EFL1: variants seen among roughly 807,000 people sequenced by gnomAD.
The protein encoded by EFL1 is elongation factor-like GTPase 1.
In EFL1, 76 loss-of-function variants were observed where a neutral mutation model predicts 126.7. That is an observed-to-expected ratio of 0.60 (90% CI 0.50 to 0.73). EFL1 has a LOEUF of 0.73. Among genes scored for constraint, EFL1 ranks in the 30% least tolerant of loss-of-function variants. The pLI, the probability that EFL1 is intolerant of heterozygous loss-of-function variation, is 0.00. For synonymous variants in EFL1, 410 were observed against 448.4 expected, an observed-to-expected ratio of 0.91 and a Z score of 1.08; for missense variants, 1,128 against 1,343.2, an observed-to-expected ratio of 0.84 and a Z score of 2.50.
chr15:82,173,144 GGA>G (rs147939016), intron 15 of EFL1, among the ~76,000 whole-genome samples: 2,674 of 151,924 alleles, frequency 0.018, 31 homozygotes, highest in Non-Finnish European at 0.028. Context: ...TCCACCAACA[GGA>G]GATTGAAAAA....
chr15:82,141,578 G>C (rs1222547976), intron 18 of EFL1, among the ~76,000 whole-genome samples: 1 of 150,746 alleles, frequency 6.6e-6, no homozygotes, highest in Non-Finnish European at 1.5e-5. Context: ...TGAGGCAGGA[G>C]AATCGCTTGG....
At position 82,149,302 on chromosome 15, in the gene EFL1, G is replaced by A. The variant is rs1050050128; in HGVS notation, c.2989+2163C>T. On this transcript the variant is annotated intron_variant, in intron 18 of 19. Coordinates refer to ENST00000268206, the MANE Select transcript of EFL1 (RefSeq NM_024580.6). ...CAGTACTCATACACAAATAAATATA[G>A]GAGTTCATACAACTACATGATTTCT... Among the ~76,000 whole-genome samples, 3 of 151,976 alleles carry A rather than the reference G, an allele frequency of 2.0e-5. No homozygotes were observed. The South Asian group carries it at 6.2e-4, about 31-fold the overall frequency.
At chr15:82,199,887 G>A (rs1353928393) in intron 15 of EFL1, among the ~76,000 whole-genome samples, 1 of 152,100 alleles carries the variant, frequency 6.6e-6, no homozygotes, top group Non-Finnish European at 1.5e-5. Context: ...AGTTTATATA[G>A]AATAAATGTT....
chr15:82,179,809 T>C (rs1320869122), intron 15 of EFL1, among the ~76,000 whole-genome samples: 3 of 107,770 alleles, frequency 2.8e-5, no homozygotes, highest in Non-Finnish European at 5.1e-5. Context: ...TGGCTGGGTA[T>C]GCACAGAAAC....
At chr15:82,146,857 T>C (rs2073851897) in intron 18 of EFL1, among the ~76,000 whole-genome samples, 2 of 152,124 alleles carry the variant, frequency 1.3e-5, no homozygotes, top group Admixed American at 1.3e-4. Flanking sequence ...AATGATCCTT[T>C]GCTCCAGAGA....
chr15:82,188,030 G>A (rs1442411560), intron 15 of EFL1, among the ~76,000 whole-genome samples: 1 of 152,008 alleles, frequency 6.6e-6, no homozygotes, highest in Non-Finnish European at 1.5e-5. Flanking sequence ...TATAATTTTA[G>A]TTCCAATTGA....
At position 82,228,206 on chromosome 15, in the gene EFL1, A is replaced by G. The variant is rs1338775063; in HGVS notation, c.1054T>C (p.Ser352Pro). ...TAAAGGATACCAAGAACAGCATGGG[A>G]TATGGGTAGCCACTGACTGCAAATG... is the stretch of plus-strand genomic sequence containing the variant. ...NAICSQWLPI[S>P]HAVLAMVCQK... The change falls in exon 10 of 20, where the codon TCC (serine) becomes CCC (proline). Residue 352 changes from serine (S) to proline (P), a missense_variant. Physicochemically the swap from Ser to Pro is moderately conservative, Grantham distance 74. Transcript: ENST00000268206. The G allele has an allele frequency of 1.2e-6, 2 of 1,613,098 alleles. No homozygotes were observed. Among genetic ancestry groups the G allele is most frequent in the African/African-American group, 2.7e-5 (2 of 74,890 alleles).
At chr15:82,251,185 C>A (rs1230191047) in intron 4 of EFL1, among the ~76,000 whole-genome samples, 1 of 152,126 alleles carries the variant, frequency 6.6e-6, no homozygotes, top group African/African-American at 2.4e-5. Flanking sequence ...GCACTCCAGC[C>A]TGGGCGACAG....
chr15:82,185,428 C>CA (rs1474034454), intron 15 of EFL1, among the ~76,000 whole-genome samples: 2 of 151,684 alleles, frequency 1.3e-5, no homozygotes, highest in Non-Finnish European at 2.9e-5. Context: ...AACCCAAAAA[C>CA]AAAAAATCCA....
chr15:82,179,330 A>C (rs2074225325), intron 15 of EFL1, among the ~76,000 whole-genome samples: 1 of 152,178 alleles, frequency 6.6e-6, no homozygotes, highest in African/African-American at 2.4e-5. Flanking sequence ...GGTCTGTTTT[A>C]GTTAACATGA....
chr15:82,196,947 G>A (rs558638691), intron 15 of EFL1, among the ~76,000 whole-genome samples: 1 of 151,406 alleles, frequency 6.6e-6, no homozygotes, highest in East Asian at 1.9e-4. Context: ...CAGGAGAATC[G>A]TTTCAACCCA....
intron 4 of EFL1, among the ~76,000 whole-genome samples, chr15:82,250,941 G>A (rs1032305977): frequency 6.6e-6 from 1 of 152,204 alleles, no homozygotes; most frequent in Non-Finnish European, 1.5e-5. Flanking sequence ...GCTGGGCGCG[G>A]TGGCTCCCGA....
intron 15 of EFL1, among the ~76,000 whole-genome samples, chr15:82,202,758 A>G (rs540953512): frequency 6.6e-6 from 1 of 152,320 alleles, no homozygotes; most frequent in South Asian, 2.1e-4. Flanking sequence ...TATATGGGAT[A>G]AATTCTACAA....
chr15:82,172,475 G>C (rs2074146955), intron 15 of EFL1, among the ~76,000 whole-genome samples: 1 of 152,198 alleles, frequency 6.6e-6, no homozygotes, highest in African/African-American at 2.4e-5. Context: ...GCAGGGGCCA[G>C]TGCTTTGCAT....
rs778931406 is a variant in EFL1, at chr15:82,227,570, T to C, written c.1072A>G (p.Met358Val). ...WLPISHAVLAMVCQKLPSPLD... is the reference protein window; with the variant it reads ...WLPISHAVLAVVCQKLPSPLD... ...GGACTAGGAAGTTTCTGACACACCA[T>C]AGCTGAAGTCTATTGTTAAGGACTG... The change falls in exon 11 of 20, where the codon ATG (methionine) becomes GTG (valine). Residue 358 changes from methionine to valine, a missense_variant and splice_region_variant. Coordinates refer to ENST00000268206, the MANE Select transcript of EFL1 (RefSeq NM_024580.6). The C allele has an allele frequency of 1.5e-5, 25 of 1,614,120 alleles. No homozygotes were observed. Among genetic ancestry groups the C allele is most frequent in the Non-Finnish European group, 2.0e-5 (24 of 1,179,988 alleles).
chr15:82,161,243 T>C (rs2074021430), intron 16 of EFL1, among the ~76,000 whole-genome samples: 1 of 152,010 alleles, frequency 6.6e-6, no homozygotes, highest in Non-Finnish European at 1.5e-5. Context: ...AATGAATGTG[T>C]CCAGTGCCTC....
chr15:82,158,560 T>C (rs982496889), intron 16 of EFL1, among the ~76,000 whole-genome samples: 1 of 152,234 alleles, frequency 6.6e-6, no homozygotes, highest in African/African-American at 2.4e-5. Flanking sequence ...TGCAGCTGCC[T>C]TAGCAGAAAC....
chr15:82,226,205 G>A (rs938098707), intron 11 of EFL1, among the ~76,000 whole-genome samples: 8 of 152,048 alleles, frequency 5.3e-5, no homozygotes, highest in Non-Finnish European at 1.2e-4. Context: ...GTCTTGTTCC[G>A]TCGCCCAGGC....
chr15:82,172,428 G>A (rs1170850507), intron 15 of EFL1, among the ~76,000 whole-genome samples: 1 of 152,150 alleles, frequency 6.6e-6, no homozygotes, highest in Non-Finnish European at 1.5e-5. Flanking sequence ...ACTGGTGGGA[G>A]CGTTTCTGAT....
Sources: allele counts gnomAD v4.1 joint callset (sites outside exome capture counted in the v4.1 genomes callset), GRCh38; gene constraint gnomAD v4.1.1; transcripts MANE v1.5; gene names NCBI Gene and HGNC (gene_info 2026-07-23, HGNC 2026-07-21).